Variants in GPATCH2 observed in about 807,000 individuals in gnomAD.
The protein encoded by GPATCH2 is G-patch domain containing 2.
Under a neutral mutation model 58.0 loss-of-function variants are expected in GPATCH2, and 51 were observed. The ratio of observed to expected loss-of-function variants is 0.88; its 90% CI spans 0.70 to 1.11. The LOEUF is 1.11. GPATCH2 is among the 50% of genes most tolerant of loss of function. The pLI is 0.00. For synonymous variants in GPATCH2, 222 were observed against 218.5 expected, an observed-to-expected ratio of 1.02 and a Z score of -0.14; for missense variants, 625 against 652.2, an observed-to-expected ratio of 0.96 and a Z score of 0.45.
intron 5 of GPATCH2, among the ~76,000 whole-genome samples, chr1:217,532,623 G>A (rs1217073533): frequency 6.6e-6 from 1 of 152,120 alleles, no homozygotes; most frequent in Non-Finnish European, 1.5e-5. Flanking sequence ...TAAGGAGAAG[G>A]TGGTAGGGAA....
chr1:217,546,194 T>A (rs1435820781), intron 5 of GPATCH2, among the ~76,000 whole-genome samples: 1 of 152,114 alleles, frequency 6.6e-6, no homozygotes, highest in Non-Finnish European at 1.5e-5. Flanking sequence ...GTAGGAAGAA[T>A]CAATATCATT....
intron 8 of GPATCH2, among the ~76,000 whole-genome samples, chr1:217,481,961 G>A (rs1305066680): frequency 6.6e-6 from 1 of 152,050 alleles, no homozygotes. Flanking sequence ...CATCATAACA[G>A]CTAACATCCA....
Position 217,427,641 on chromosome 1 carries a change from T to C in GPATCH2, c.*3504A>G, listed in dbSNP as rs1312404488. The C allele has an allele frequency of 4.6e-5, 7 of 152,140 alleles. No homozygotes were observed. Among genetic ancestry groups the C allele is most frequent in the Non-Finnish European group, 1.0e-4 (7 of 67,990 alleles). The allele number at this position is 152,140 out of a possible 1,614,324, so 9.4% of individuals were successfully genotyped here. On this transcript the variant is annotated 3_prime_UTR_variant, in exon 10 of 10. Coordinates refer to ENST00000366935, the MANE Select transcript of GPATCH2 (RefSeq NM_018040.5). ...TTCTTTGCTAACAATTTCTTTACAA[T>C]GCCAACTTAGATCACTTTTCTTTTT...
intron 6 of GPATCH2, among the ~76,000 whole-genome samples, chr1:217,509,686 T>C (rs1196769524): frequency 6.6e-6 from 1 of 152,174 alleles, no homozygotes; most frequent in Non-Finnish European, 1.5e-5. Context: ...TTTCCATCAC[T>C]AGCCAGCAGT....
At chr1:217,525,238 G>A (rs1007873673) in intron 5 of GPATCH2, among the ~76,000 whole-genome samples, 1 of 151,862 alleles carries the variant, frequency 6.6e-6, no homozygotes, top group African/African-American at 2.4e-5. Flanking sequence ...TGCTCAAAAT[G>A]GTTCACAGGG....
At chr1:217,479,610 C>G (rs1406996096) in intron 8 of GPATCH2, among the ~76,000 whole-genome samples, 2 of 151,792 alleles carry the variant, frequency 1.3e-5, no homozygotes, top group Non-Finnish European at 2.9e-5. Context: ...AAGAGAAGAC[C>G]ACAAAACAAC....
chr1:217,574,899 A>G (rs533158180), intron 5 of GPATCH2, among the ~76,000 whole-genome samples: 1 of 152,200 alleles, frequency 6.6e-6, no homozygotes, highest in South Asian at 2.1e-4. Flanking sequence ...AGATAAGGGA[A>G]ACATAAAATT....
intron 5 of GPATCH2, among the ~76,000 whole-genome samples, chr1:217,602,277 G>A (rs1171557515): frequency 1.3e-5 from 2 of 152,064 alleles, no homozygotes; most frequent in Admixed American, 6.6e-5. Flanking sequence ...CTCCACACAA[G>A]CATATCTTAT....
chr1:217,515,391 C>T (rs554297640), intron 5 of GPATCH2, among the ~76,000 whole-genome samples: 14 of 152,082 alleles, frequency 9.2e-5, no homozygotes, highest in Admixed American at 6.5e-4. Context: ...CCACCGCGCC[C>T]GACTCCTCTG....
chr1:217,524,380 A>G (rs1425052624), intron 5 of GPATCH2, among the ~76,000 whole-genome samples: 5 of 140,092 alleles, frequency 3.6e-5, no homozygotes, highest in South Asian at 2.3e-4. Flanking sequence ...TTCCAGACTG[A>G]GCAGCCAGGC....
At position 217,514,885 on chromosome 1, in the gene GPATCH2, G is replaced by A. The variant is rs895220342; in HGVS notation, c.1103C>T (p.Pro368Leu). Residue 368 changes from proline (P) to leucine (L), a missense_variant, in exon 6 of 10, where the codon CCC (proline) becomes CTC (leucine). Physicochemically the swap from Pro to Leu is moderately conservative, Grantham distance 98. Coordinates refer to ENST00000366935, the MANE Select transcript of GPATCH2 (RefSeq NM_018040.5). ...CTTGTTACCCACTGGGCCAGGAATG[G>A]GTACCTACAGGGAGATTTAAAAAGA... The part of the protein sequence containing the change: ...KSGGTPTSMV[P>L]IPGPVGNKRM... 5.5e-6 allele frequency: 8 copies of A among 1,454,152 alleles called. No homozygotes were observed. The highest frequency in any genetic ancestry group is 6.8e-6 in the Non-Finnish European group (7 of 1,034,678). 90.1% of individuals were successfully genotyped at this position (1,454,152 alleles called of 1,614,324 possible).
chr1:217,534,712 A>C (rs1412204504), intron 5 of GPATCH2, among the ~76,000 whole-genome samples: 1 of 152,180 alleles, frequency 6.6e-6, no homozygotes, highest in Non-Finnish European at 1.5e-5. Flanking sequence ...GCCCTTTCCC[A>C]ATTCTCACTG....
intron 8 of GPATCH2, among the ~76,000 whole-genome samples, chr1:217,468,455 A>G (rs1660559197): frequency 6.6e-6 from 1 of 151,670 alleles, no homozygotes; most frequent in Non-Finnish European, 1.5e-5. Context: ...TATGTGAGAA[A>G]CTTTATGGGC....
At chr1:217,513,286 T>C (rs967687299) in intron 6 of GPATCH2, among the ~76,000 whole-genome samples, 2 of 151,840 alleles carry the variant, frequency 1.3e-5, no homozygotes, top group African/African-American at 2.4e-5. Context: ...AGGGAGACTT[T>C]GTCTCAGGGA....
chr1:217,596,517 A>G (rs1256071486), intron 5 of GPATCH2, among the ~76,000 whole-genome samples: 5 of 152,192 alleles, frequency 3.3e-5, no homozygotes, highest in Non-Finnish European at 7.3e-5. Flanking sequence ...GATTTGATAT[A>G]CATAAAAAGA....
intron 1 of GPATCH2, among the ~76,000 whole-genome samples, chr1:217,626,227 T>C (rs1669446092): frequency 6.6e-6 from 1 of 152,176 alleles, no homozygotes; most frequent in African/African-American, 2.4e-5. Context: ...AGGGAATAAA[T>C]AATCATTAAT....
intron 5 of GPATCH2, among the ~76,000 whole-genome samples, chr1:217,524,155 G>A (rs1165033753): frequency 6.6e-6 from 1 of 150,506 alleles, no homozygotes; most frequent in African/African-American, 2.5e-5. Flanking sequence ...GGTGGCTGCC[G>A]GGCGGAGGCT....
intron 5 of GPATCH2, among the ~76,000 whole-genome samples, chr1:217,559,024 G>A (rs1170422881): frequency 6.6e-6 from 1 of 151,574 alleles, no homozygotes; most frequent in Admixed American, 6.6e-5. Context: ...CTGACCACAC[G>A]GCTCTAAATA....
chr1:217,566,031 G>A (rs1356836560), intron 5 of GPATCH2, among the ~76,000 whole-genome samples: 1 of 147,520 alleles, frequency 6.8e-6, no homozygotes, highest in Non-Finnish European at 1.5e-5. Flanking sequence ...AACTTGGGAG[G>A]CAGAGGTTGT....
Sources: allele counts gnomAD v4.1 joint callset (sites outside exome capture counted in the v4.1 genomes callset), GRCh38; gene constraint gnomAD v4.1.1; transcripts MANE v1.5; gene names NCBI Gene and HGNC (gene_info 2026-07-23, HGNC 2026-07-21).